ALK: variants seen among roughly 807,000 people sequenced by gnomAD.
ALK encodes ALK tyrosine kinase receptor.
A neutral mutation model predicts 163.1 loss-of-function variants in ALK; 74 were observed. The observed-to-expected ratio is 0.45, with a 90% CI of 0.38 to 0.55. The LOEUF is 0.55. ALK is among the 20% of genes least tolerant of loss of function. The pLI is 0.00. For missense variants in ALK, 2,063 were observed against 2,105.3 expected (o/e 0.98, Z 0.39); for synonymous variants, 960 against 843.2 (o/e 1.14, Z -2.40).
At position 29,193,334 on chromosome 2, in the gene ALK, C is replaced by A. The variant is rs1573077410; in HGVS notation, c.4753G>T (p.Gly1585Cys). ...RHFPCGNVNYGYQQQGLPLEA... is the reference protein window; with the variant it reads ...RHFPCGNVNYCYQQQGLPLEA... ...AAGGGCAAGCCCTGTTGCTGGTAGCCGTAATTGACATTCCCACAAGGGAAG... is the reference window on the plus strand; with the variant it reads ...AAGGGCAAGCCCTGTTGCTGGTAGCAGTAATTGACATTCCCACAAGGGAAG... Residue 1585 changes from glycine to cysteine, a missense_variant, in exon 29 of 29, where the codon GGC becomes TGC. Around this residue, in one of 5 missense-constraint regions of ALK, gnomAD observed 403 missense variants for 366.2 expected, o/e 1.10. Coordinates refer to ENST00000389048, the MANE Select transcript of ALK (RefSeq NM_004304.5). 2 of 1,614,020 alleles carry A rather than the reference C, an allele frequency of 1.2e-6. No individual in the cohort carries two copies. The highest frequency in any genetic ancestry group is 1.3e-5 in the African/African-American group (1 of 74,896).
chr2:29,669,904 T>G (rs1337663148), intron 3 of ALK, among the ~76,000 whole-genome samples: 1 of 152,058 alleles, frequency 6.6e-6, no homozygotes, highest in African/African-American at 2.4e-5. Flanking sequence ...TTCTATACTT[T>G]AACTCCATAT....
Position 29,279,492 on chromosome 2 carries a change from C to T in ALK, c.1818-3996G>A, listed in dbSNP as rs544780377. On this transcript the variant is annotated intron_variant, in intron 9 of 28. Coordinates refer to ENST00000389048, the MANE Select transcript of ALK (RefSeq NM_004304.5). ...TGGAGGGTGGGGCAGGAGCAGAGGC[C>T]GTCTAGGAATGGGGTCTGTGGGTGG... Among the ~76,000 whole-genome samples the T allele has an allele frequency of 7.2e-5, 11 of 151,946 alleles. No individual in the cohort carries two copies. In the South Asian group the frequency reaches 1.7e-3, roughly 23 times the overall value.
In ALK at chr2:29,233,663, C is replaced by T. The variant is rs1342747593; in HGVS notation, c.2389G>A (p.Glu797Lys). The change falls in exon 14 of 29, where the codon GAG (glutamate) becomes AAG (lysine). Residue 797 changes from glutamate to lysine, a missense_variant. By Grantham distance (56) the Glu-to-Lys change is moderately conservative (BLOSUM62 1). Around this residue, in one of 5 missense-constraint regions of ALK, gnomAD observed 575 missense variants for 626.6 expected, o/e 0.92. Coordinates refer to ENST00000389048, the MANE Select transcript of ALK (RefSeq NM_004304.5). ...ATTTCTTCTTCTATCACATTGTTCT[C>T]TCCAATGCAGACTTTCTGGATTAAC... The part of the protein sequence containing the change: ...NQLIQKVCIG[E>K]NNVIEEEIRV... 2 of 1,614,234 alleles carry T rather than the reference C, an allele frequency of 1.2e-6. No homozygotes were observed. The highest frequency in any genetic ancestry group is 1.7e-6 in the Non-Finnish European group (2 of 1,180,040).
chr2:29,803,214 G>A (rs774930018), intron 1 of ALK, among the ~76,000 whole-genome samples: 1 of 152,184 alleles, frequency 6.6e-6, no homozygotes, highest in African/African-American at 2.4e-5. Context: ...TCAGACCAAA[G>A]AAATCTGTCA....
chr2:29,462,824 T>A (rs1671118750), intron 4 of ALK, among the ~76,000 whole-genome samples: 1 of 152,140 alleles, frequency 6.6e-6, no homozygotes. Context: ...ATAAAGCAAA[T>A]CATTATAAAA....
chr2:29,451,944 A>G (rs1670829493), intron 4 of ALK, among the ~76,000 whole-genome samples: 1 of 152,204 alleles, frequency 6.6e-6, no homozygotes, highest in Non-Finnish European at 1.5e-5. Flanking sequence ...TGACTAGTGG[A>G]CCCTCAAAGT....
At chr2:29,497,425 C>T (rs1672058456) in intron 4 of ALK, among the ~76,000 whole-genome samples, 2 of 152,150 alleles carry the variant, frequency 1.3e-5, no homozygotes, top group African/African-American at 2.4e-5. Context: ...CAATTCATTG[C>T]TCAAATAGAA....
rs138501693 is a variant in ALK at position 29,739,277 on chromosome 2, G to C, written c.668-21580C>G. On this transcript the variant is annotated intron_variant, in intron 1 of 28. Coordinates refer to ENST00000389048, the MANE Select transcript of ALK (RefSeq NM_004304.5). ...AAAAAAAAAAAAAAAAAAGAACATA[G>C]GCCAGGTGCCAGTGGCTCACACCTG... 0.01 allele frequency among the ~76,000 whole-genome samples: 1,355 copies of C among 135,456 alleles called. 80 individuals carry two copies. The East Asian group carries it at 0.16, about 16-fold the overall frequency. The allele number at this position is 135,456 out of a possible 152,430, so 88.9% of individuals were successfully genotyped here.
chr2:29,649,770 A>G (rs191902402), intron 3 of ALK, among the ~76,000 whole-genome samples: 170 of 152,070 alleles, frequency 1.1e-3, no homozygotes, highest in African/African-American at 3.9e-3. Flanking sequence ...CTCTGTCCTT[A>G]TATTCCATTT....
At chr2:29,354,428 G>C (rs1043339815) in intron 5 of ALK, among the ~76,000 whole-genome samples, 1 of 152,162 alleles carries the variant, frequency 6.6e-6, no homozygotes, top group Admixed American at 6.5e-5. Context: ...TGTCTGTGAG[G>C]GTTGAGCTGA....
At chr2:29,744,686 G>C (rs540334130) in intron 1 of ALK, among the ~76,000 whole-genome samples, 107 of 152,156 alleles carry the variant, frequency 7.0e-4, no homozygotes, top group African/African-American at 2.5e-3. Context: ...TGGCAGCCTC[G>C]ACCTTCTGAG....
intron 26 of ALK, among the ~76,000 whole-genome samples, chr2:29,199,692 TA>T (rs1669110876): frequency 6.6e-6 from 1 of 152,242 alleles, no homozygotes; most frequent in Admixed American, 6.5e-5. Context: ...TATTTCTCTT[TA>T]AAAAATATTT....
chr2:29,253,152 C>T (rs1343450049), intron 11 of ALK, among the ~76,000 whole-genome samples: 1 of 152,068 alleles, frequency 6.6e-6, no homozygotes, highest in Non-Finnish European at 1.5e-5. Flanking sequence ...ATTACCATGC[C>T]CATCCTCTAT....
rs146281095 is a variant in ALK, at chr2:29,717,642, A to T, written c.723T>A (p.Phe241Leu). ...TCATTATCCAGGTGAGATTCCATGTAAAATAATCAGGAGAAGGAGAAGGCA... is the reference window on the plus strand; with the variant it reads ...TCATTATCCAGGTGAGATTCCATGTTAAATAATCAGGAGAAGGAGAAGGCA... ...TNMPSPSPDY[F>L]TWNLTWIMKD... The change falls in exon 2 of 29, where the codon TTT becomes TTA. Residue 241 changes from phenylalanine (F) to leucine (L), a missense_variant. Transcript: ENST00000389048. 1.9e-6 allele frequency: 3 copies of T among 1,613,906 alleles called. No homozygotes were observed. In the African/African-American group the frequency reaches 4.0e-5, roughly 22 times the overall value.
At chr2:29,307,887 G>A (rs1666568800) in intron 8 of ALK, among the ~76,000 whole-genome samples, 1 of 152,190 alleles carries the variant, frequency 6.6e-6, no homozygotes, top group African/African-American at 2.4e-5. Context: ...GATCCTTCCT[G>A]AAAATACCAC....
intron 5 of ALK, among the ~76,000 whole-genome samples, chr2:29,332,101 A>G (rs779881097): frequency 4.0e-5 from 6 of 151,738 alleles, no homozygotes; most frequent in Admixed American, 6.6e-5. Flanking sequence ...CTGGGCTAAC[A>G]TGGTGAAACC....
chr2:29,229,494 C>T (rs76230440), intron 15 of ALK, among the ~76,000 whole-genome samples: 2 of 152,312 alleles, frequency 1.3e-5, no homozygotes, highest in African/African-American at 2.4e-5. Context: ...AGAAAAGGGA[C>T]TCACCAGTCT....
intron 4 of ALK, among the ~76,000 whole-genome samples, chr2:29,518,826 T>C (rs1022361355): frequency 1.3e-5 from 2 of 152,118 alleles, no homozygotes; most frequent in Non-Finnish European, 2.9e-5. Context: ...AGAGGACAAA[T>C]AGAGGATCAA....
At chr2:29,885,201 T>A (rs964029803) in intron 1 of ALK, among the ~76,000 whole-genome samples, 1 of 152,192 alleles carries the variant, frequency 6.6e-6, no homozygotes, top group Non-Finnish European at 1.5e-5. Context: ...TGCCCCTTGT[T>A]GCCCAGAAAC....
Sources: allele counts gnomAD v4.1 joint callset (sites outside exome capture counted in the v4.1 genomes callset), GRCh38; gene constraint gnomAD v4.1.1; regional missense constraint gnomAD v4.1.1; transcripts MANE v1.5; gene names NCBI Gene and HGNC (gene_info 2026-07-23, HGNC 2026-07-21).